Variants in CCSER1 observed in about 807,000 individuals in gnomAD.
The protein encoded by CCSER1 is serine-rich coiled-coil domain-containing protein 1.
CCSER1 carries 41 observed loss-of-function variants against 82.0 expected under a neutral mutation model. The ratio of observed to expected loss-of-function variants is 0.50; its 90% CI spans 0.39 to 0.65. The LOEUF (loss-of-function observed/expected upper bound fraction) is 0.65. Ranked by LOEUF, CCSER1 falls within the 30% of genes least tolerant of loss-of-function variation. CCSER1 has a pLI of 0.00. For missense variants in CCSER1, 1,119 were observed against 1,064.2 expected, an observed-to-expected ratio of 1.05 and a Z score of -0.72; for synonymous variants, 414 against 383.9, an observed-to-expected ratio of 1.08 and a Z score of -0.92.
chr4:91,196,213 C>A (rs1008436766), intron 10 of CCSER1, among the ~76,000 whole-genome samples: 1 of 148,902 alleles, frequency 6.7e-6, no homozygotes, highest in Non-Finnish European at 1.5e-5. Flanking sequence ...AGCCCCATTT[C>A]TTTAAATGGA....
At chr4:90,619,329 G>A (rs775428822) in intron 5 of CCSER1, among the ~76,000 whole-genome samples, 32 of 151,960 alleles carry the variant, frequency 2.1e-4, no homozygotes, top group South Asian at 8.3e-4. Flanking sequence ...CCTGATCCCC[G>A]CAAGAGAAAA....
intron 9 of CCSER1, among the ~76,000 whole-genome samples, chr4:91,025,966 C>T (rs941257621): frequency 2.0e-5 from 3 of 152,068 alleles, no homozygotes; most frequent in Admixed American, 6.6e-5. Flanking sequence ...ATCTGAATAA[C>T]AAACACAAGA....
intron 5 of CCSER1, among the ~76,000 whole-genome samples, chr4:90,495,157 G>T (rs1337619897): frequency 6.6e-6 from 1 of 152,056 alleles, no homozygotes; most frequent in Non-Finnish European, 1.5e-5. Flanking sequence ...GAACACTAAT[G>T]TGGTGTTCAA....
intron 10 of CCSER1, among the ~76,000 whole-genome samples, chr4:91,255,149 CTG>C (rs994911450): frequency 6.6e-6 from 1 of 152,124 alleles, no homozygotes; most frequent in Non-Finnish European, 1.5e-5. Context: ...GATAAGTTCT[CTG>C]TAAGCATTCT....
At chr4:91,168,688 C>T (rs1297636025) in intron 10 of CCSER1, among the ~76,000 whole-genome samples, 1 of 151,982 alleles carries the variant, frequency 6.6e-6, no homozygotes, top group African/African-American at 2.4e-5. Context: ...GGAGGTGTAC[C>T]CAACAGCTCC....
intron 10 of CCSER1, among the ~76,000 whole-genome samples, chr4:91,305,276 A>G (rs1473242865): frequency 2.6e-5 from 4 of 152,098 alleles, no homozygotes; most frequent in Non-Finnish European, 4.4e-5. Flanking sequence ...GAATTTTACA[A>G]TTGAAGCCCC....
At chr4:91,157,037 G>T (rs1730890108) in intron 10 of CCSER1, among the ~76,000 whole-genome samples, 1 of 151,820 alleles carries the variant, frequency 6.6e-6, no homozygotes, top group East Asian at 1.9e-4. Context: ...ATTGTTTATT[G>T]TAGTGGATTC....
At chr4:90,608,271 G>C (rs572716678) in intron 5 of CCSER1, among the ~76,000 whole-genome samples, 1 of 152,080 alleles carries the variant, frequency 6.6e-6, no homozygotes, top group Non-Finnish European at 1.5e-5. Flanking sequence ...TCTGAGGTTC[G>C]TCACCCAAAC....
At chr4:90,581,426 G>A (rs544844177) in intron 5 of CCSER1, among the ~76,000 whole-genome samples, 4 of 152,054 alleles carry the variant, frequency 2.6e-5, no homozygotes, top group African/African-American at 9.7e-5. Context: ...ACTGTGAGAC[G>A]GAAAGGAAGG....
chr4:91,544,060 A>T (rs1761750887), intron 10 of CCSER1, among the ~76,000 whole-genome samples: 1 of 151,888 alleles, frequency 6.6e-6, no homozygotes, highest in Non-Finnish European at 1.5e-5. Context: ...TTTGATCTTC[A>T]ATCACTGATA....
intron 7 of CCSER1, among the ~76,000 whole-genome samples, chr4:90,757,634 A>C (rs941631501): frequency 2.6e-5 from 4 of 152,186 alleles, no homozygotes; most frequent in African/African-American, 9.6e-5. Context: ...CCAAGGAAGC[A>C]GACAAGTGCC....
chr4:91,573,377 C>T (rs969482765), intron 10 of CCSER1, among the ~76,000 whole-genome samples: 10 of 152,188 alleles, frequency 6.6e-5, no homozygotes, highest in African/African-American at 2.4e-4. Flanking sequence ...GATTCACCCT[C>T]TTTCCTAGTA....
Position 91,115,730 on chromosome 4 carries a change from A to G in CCSER1, c.2217+29736A>G, listed in dbSNP as rs533742967. Among the ~76,000 whole-genome samples, 101 of 151,392 alleles carry G rather than the reference A, an allele frequency of 6.7e-4. No individual in the cohort carries two copies. The Middle Eastern group carries it at 0.014, about 21-fold the overall frequency. On this transcript the variant is annotated intron_variant, in intron 10 of 10. Transcript: ENST00000509176. The stretch of plus-strand genomic sequence containing the variant: ...ATGCATGAGTAAATAAGTTGGATAT[A>G]TAACGAAAGTTGGAGAAAGATTTGG...
chr4:91,117,233 G>A lies in CCSER1; in HGVS notation c.2217+31239G>A, dbSNP rs148003789. 5.3e-5 allele frequency among the ~76,000 whole-genome samples: 8 copies of A among 152,298 alleles called. No homozygotes were observed. In the East Asian group the frequency reaches 1.5e-3, roughly 29 times the overall value. On this transcript the variant is annotated intron_variant, in intron 10 of 10. Transcript: ENST00000509176. The stretch of plus-strand genomic sequence containing the variant: ...GTAAATGAGCCTTGAGGCTTAGCAG[G>A]ACTAGAAAACAATTGCAGATTATGA...
rs1727659770 is a variant in CCSER1, at chr4:90,276,251, T to TTTCTTTCTTTCTTTCTTTCC, written c.-41-31990_-41-31989insTTTCTTTCTTTCTTTCCTTC. 9.1e-5 allele frequency among the ~76,000 whole-genome samples: 7 copies of TTTCTTTCTTTCTTTCTTTCC among 76,846 alleles called. 1 individual carries two copies. Among genetic ancestry groups the TTTCTTTCTTTCTTTCTTTCC allele is most frequent in the East Asian group, 4.0e-4 (1 of 2,496 alleles). 50.4% of individuals were successfully genotyped at this position (76,846 alleles called of 152,430 possible). ...CTTTCTTTCTTTCTTTCTTTCTTTC[T>TTTCTTTCTTTCTTTCTTTCC]TTCCTTCCTTCCTTCCTTCCTTCCT... On this transcript the variant is annotated intron_variant, in intron 1 of 10. Coordinates refer to ENST00000509176, the MANE Select transcript of CCSER1 (RefSeq NM_001145065.2).
chr4:90,926,685 A>C (rs1463445516), intron 9 of CCSER1, among the ~76,000 whole-genome samples: 3 of 152,072 alleles, frequency 2.0e-5, no homozygotes, highest in Admixed American at 6.6e-5. Flanking sequence ...AGAGTGTCTC[A>C]GCACAGGCCT....
chr4:90,584,075 T>A (rs1423005957), intron 5 of CCSER1, among the ~76,000 whole-genome samples: 1 of 152,166 alleles, frequency 6.6e-6, no homozygotes, highest in Non-Finnish European at 1.5e-5. Context: ...CTGGTGTACA[T>A]ACCCTATGTA....
chr4:90,800,764 T>C (rs2123960), intron 7 of CCSER1, among the ~76,000 whole-genome samples: 50,784 of 151,832 alleles, frequency 0.33, 8,615 homozygotes, highest in East Asian at 0.42. Context: ...ATTTATGTTG[T>C]GTAGTAACTC....
chr4:91,271,530 G>T (rs1742022146), intron 10 of CCSER1, among the ~76,000 whole-genome samples: 1 of 151,984 alleles, frequency 6.6e-6, no homozygotes, highest in Non-Finnish European at 1.5e-5. Context: ...ACAATGTTTG[G>T]TTTTCCATTC....
Sources: gnomAD v4.1 joint callset for allele counts (sites outside exome capture counted in the v4.1 genomes callset) on GRCh38, gnomAD v4.1.1 for gene constraint, MANE v1.5 for transcripts, NCBI Gene and HGNC (gene_info 2026-07-23, HGNC 2026-07-21) for gene names.